KDM4B: variants seen among roughly 807,000 people sequenced by gnomAD.
KDM4B encodes the protein lysine-specific demethylase 4B.
Under a neutral mutation model 125.2 loss-of-function variants are expected in KDM4B, and 32 were observed. That is an observed-to-expected ratio of 0.26 (90% confidence interval 0.19 to 0.34). The LOEUF (loss-of-function observed/expected upper bound fraction) is 0.34. Ranked by LOEUF, KDM4B falls within the 10% of genes least tolerant of loss-of-function variation. The pLI is 1.00. For synonymous variants in KDM4B, 721 were observed against 677.9 expected, an observed-to-expected ratio of 1.06 and a Z score of -0.99; for missense variants, 1,190 against 1,577.7, an observed-to-expected ratio of 0.75 and a Z score of 4.16.
chr19:5,117,038 T>C (rs557835183), intron 10 of KDM4B, among the ~76,000 whole-genome samples: 2 of 152,300 alleles, frequency 1.3e-5, no homozygotes, highest in South Asian at 4.1e-4. Flanking sequence ...TGCCGTGGGC[T>C]GTGCCCCCCT....
At chr19:5,117,407 G>A (rs117422783) in intron 10 of KDM4B, among the ~76,000 whole-genome samples, 3,187 of 152,178 alleles carry the variant, frequency 0.021, 45 homozygotes, top group Non-Finnish European at 0.03. Flanking sequence ...GCATGGGAGG[G>A]CGCCCTTCTG....
At chr19:5,130,487 C>T (rs2146052179) in intron 11 of KDM4B, among the ~76,000 whole-genome samples, 1 of 152,346 alleles carries the variant, frequency 6.6e-6, no homozygotes. Context: ...GTGTCGGGCC[C>T]CACAGGCCCA....
intron 14 of KDM4B, among the ~76,000 whole-genome samples, chr19:5,134,896 G>A (rs984940061): frequency 6.6e-6 from 1 of 152,224 alleles, no homozygotes. Context: ...CCGTCTCCAG[G>A]CACTTGCTGT....
intron 9 of KDM4B, among the ~76,000 whole-genome samples, chr19:5,108,280 A>G (rs2039074170): frequency 6.6e-6 from 1 of 152,148 alleles, no homozygotes; most frequent in African/African-American, 2.4e-5. Flanking sequence ...CGCCGGCACC[A>G]TCTGTGTTCC....
chr19:4,999,875 A>G (rs1261542614), intron 1 of KDM4B, among the ~76,000 whole-genome samples: 1 of 119,372 alleles, frequency 8.4e-6, no homozygotes, highest in Admixed American at 1.1e-4. Context: ...CCATCCACCC[A>G]CGCATCCACC....
Position 5,116,235 on chromosome 19 carries a change from TAAAAA to T in KDM4B, c.1116-3394_1116-3390del, listed in dbSNP as rs35940660. ...GGGCAACATAGCAAGACCACATCTCTAAAAAAAAAAAAAAAAAAAAAAAAAAAATT... is the reference window on the plus strand; with the variant it reads ...GGGCAACATAGCAAGACCACATCTCTAAAAAAAAAAAAAAAAAAAAAAATT... On this transcript the variant is annotated intron_variant, in intron 10 of 22. Transcript: ENST00000159111. 4.7e-4 allele frequency among the ~76,000 whole-genome samples: 19 copies of T among 40,386 alleles called. 1 individual carries two copies. In the South Asian group the frequency reaches 9.7e-3, roughly 21 times the overall value. The allele number at this position is 40,386 out of a possible 152,430, so 26.5% of individuals were successfully genotyped here.
chr19:5,149,198 C>T (rs2039903605), intron 21 of KDM4B, among the ~76,000 whole-genome samples: 1 of 152,066 alleles, frequency 6.6e-6, no homozygotes, highest in Non-Finnish European at 1.5e-5. Flanking sequence ...CGATCCCGGG[C>T]CCCCCCGCTG....
chr19:5,100,602 A>G (rs554170809), intron 9 of KDM4B, among the ~76,000 whole-genome samples: 2 of 152,138 alleles, frequency 1.3e-5, no homozygotes, highest in Non-Finnish European at 2.9e-5. Flanking sequence ...AATTTTTTGT[A>G]GAGATGGGGT....
chr19:5,053,383 A>G (rs1485717289), intron 6 of KDM4B, among the ~76,000 whole-genome samples: 1 of 152,188 alleles, frequency 6.6e-6, no homozygotes, highest in African/African-American at 2.4e-5. Flanking sequence ...AGCCACACAC[A>G]CTGAGCCAGG....
In KDM4B at chr19:5,132,044, C is replaced by G. The variant is rs765474386; in HGVS notation, c.1906+37C>G. The G allele has an allele frequency of 4.1e-5, 64 of 1,548,150 alleles. No homozygotes were observed. The Admixed American group carries it at 7.0e-4, about 17-fold the overall frequency. ...GTCCCCAGGTCGGCTCTCATCAGCC[C>G]TGCTCCGCGCTCTGCTGCTGCTGGA... On this transcript the variant is annotated intron_variant, in intron 13 of 22. Transcript: ENST00000159111.
At chr19:5,028,684 G>T (rs774813138) in intron 2 of KDM4B, among the ~76,000 whole-genome samples, 1 of 152,158 alleles carries the variant, frequency 6.6e-6, no homozygotes, top group African/African-American at 2.4e-5. Context: ...CCACGTCACC[G>T]TCCTGCCAGC....
At chr19:5,073,039 G>A (rs2037997307) in intron 7 of KDM4B, among the ~76,000 whole-genome samples, 1 of 152,182 alleles carries the variant, frequency 6.6e-6, no homozygotes, top group Non-Finnish European at 1.5e-5. Context: ...TCGCTGTTCT[G>A]AGGACCCATG....
rs2036614422 is a variant in KDM4B, at chr19:5,035,994, C to G, written c.141+2963C>G. ...CGTTGGCACCCGCATGTGGCACACG[C>G]ACACCCCCTTCTGCAGCTCTGTGGG... On this transcript the variant is annotated intron_variant, in intron 3 of 22. Coordinates refer to ENST00000159111, the MANE Select transcript of KDM4B (RefSeq NM_015015.3). This position sits in a 1 kb window ranked among gnomAD's most constrained non-coding sequence, Gnocchi z 5.3. Among the ~76,000 whole-genome samples the G allele has an allele frequency of 6.6e-6, 1 of 152,180 alleles. No homozygotes were observed. Among genetic ancestry groups the G allele is most frequent in the African/African-American group, 2.4e-5 (1 of 41,464 alleles).
chr19:5,111,825 C>A (rs774033962), intron 10 of KDM4B: 1 of 765,112 alleles, frequency 1.3e-6, no homozygotes, highest in South Asian at 1.3e-5. Context: ...AACTCAAGAC[C>A]CTTGCAGATG....
intron 3 of KDM4B, among the ~76,000 whole-genome samples, chr19:5,033,821 G>A (rs926627698): frequency 6.6e-6 from 1 of 152,118 alleles, no homozygotes; most frequent in Non-Finnish European, 1.5e-5. Context: ...AACCCCACAT[G>A]CTGAGTATGT....
intron 3 of KDM4B, among the ~76,000 whole-genome samples, chr19:5,034,844 G>A (rs1378294271): frequency 6.6e-6 from 1 of 152,142 alleles, no homozygotes; most frequent in Non-Finnish European, 1.5e-5. Context: ...TTTGAGAGGG[G>A]GTCTGGCTCT....
intron 9 of KDM4B, among the ~76,000 whole-genome samples, chr19:5,085,266 C>A (rs1298690522): frequency 6.6e-6 from 1 of 152,098 alleles, no homozygotes; most frequent in East Asian, 1.9e-4. Flanking sequence ...GAAGAGAGAT[C>A]CAGAAGTTGG....
In KDM4B at chr19:5,135,372, T is replaced by G; in HGVS notation, c.2119T>G (p.Ser707Ala). Reference sequence around the variant, plus strand: ...GACTGAGAAGGAGGCACCCATAGCCTCCCTCGGAGAGGGCTGCCCGGCCAC... The same window carrying G: ...GACTGAGAAGGAGGCACCCATAGCCGCCCTCGGAGAGGGCTGCCCGGCCAC... Reference protein sequence around the residue: ...LQTEKEAPIASLGEGCPATLP... With the variant: ...LQTEKEAPIAALGEGCPATLP... Residue 707 changes from serine (S) to alanine (A), a missense_variant, in exon 15 of 23, where the codon TCC becomes GCC. This residue lies in a region of KDM4B where 128 missense variants were observed against 137.8 expected (regional missense o/e 0.93). Coordinates refer to ENST00000159111, the MANE Select transcript of KDM4B (RefSeq NM_015015.3). 2 of 1,613,238 alleles carry G rather than the reference T, an allele frequency of 1.2e-6. No homozygotes were observed. Among genetic ancestry groups the G allele is most frequent in the Non-Finnish European group, 1.7e-6 (2 of 1,179,876 alleles).
At chr19:5,021,214 G>A (rs990498068) in intron 2 of KDM4B, among the ~76,000 whole-genome samples, 4 of 151,992 alleles carry the variant, frequency 2.6e-5, no homozygotes, top group Non-Finnish European at 4.4e-5. Context: ...CCAGCTCTTG[G>A]GGTGGGGCCA....
Sources: gnomAD v4.1 joint callset for allele counts (sites outside exome capture counted in the v4.1 genomes callset) on GRCh38, gnomAD v4.1.1 for gene constraint, gnomAD v4.1.1 regional missense constraint, Gnocchi (gnomAD v3.1) non-coding constraint, MANE v1.5 for transcripts, NCBI Gene and HGNC (gene_info 2026-07-23, HGNC 2026-07-21) for gene names.